CDKN2B-AS1: variants seen among roughly 807,000 people sequenced by gnomAD.
CDKN2B-AS1 encodes the protein CDKN2B antisense RNA 1 (non-protein coding).
At chr9:22,042,471 GTATT>G (rs1457886443) in intron 1 of CDKN2B-AS1, among the ~76,000 whole-genome samples, 2 of 152,052 alleles carry the variant, frequency 1.3e-5, no homozygotes, top group African/African-American at 4.8e-5. Context: ...GCATAGAAAT[GTATT>G]TATGCATTGC....
chr9:22,008,935 C>G (rs1821344237), intron 1 of CDKN2B-AS1: 1 of 1,612,920 alleles, frequency 6.2e-7, no homozygotes, highest in African/African-American at 1.3e-5. Context: ...CTGGGCATGC[C>G]CTTGTTCTCC....
At position 22,043,285 on chromosome 9, in the gene CDKN2B-AS1, G is replaced by A. The variant is rs535146819; in HGVS notation, n.30-3466G>A. On this transcript the variant is annotated intron_variant and non_coding_transcript_variant, in intron 1 of 4. Coordinates refer to ENST00000650946, the Ensembl canonical transcript of CDKN2B-AS1. ...TGGATTTTAGTCACTGGTAAAGGCT[G>A]TTTCATATTCATAGATTTTTTTCTA... 2.6e-5 allele frequency among the ~76,000 whole-genome samples: 4 copies of A among 152,076 alleles called. No individual in the cohort carries two copies. The East Asian group carries it at 7.7e-4, about 29-fold the overall frequency.
At chr9:22,029,543 C>A (rs778518382) in intron 1 of CDKN2B-AS1, 1 of 779,102 alleles carries the variant, frequency 1.3e-6, no homozygotes, top group African/African-American at 1.7e-5. Context: ...CCATGACTTT[C>A]TTTGTGGTAG....
intron 1 of CDKN2B-AS1, among the ~76,000 whole-genome samples, chr9:22,014,376 C>G (rs1351321674): frequency 6.6e-6 from 1 of 152,012 alleles, no homozygotes; most frequent in Non-Finnish European, 1.5e-5. Context: ...CCAGGCTGGT[C>G]TCTAACTACT....
At chr9:22,035,151 C>CT (rs977280946) in intron 1 of CDKN2B-AS1, among the ~76,000 whole-genome samples, 69 of 148,496 alleles carry the variant, frequency 4.6e-4, no homozygotes, top group South Asian at 6.4e-4. Flanking sequence ...AAACATTTAT[C>CT]TTTTTTTTTT....
At position 22,006,426 on chromosome 9, in the gene CDKN2B-AS1, C is replaced by G. The variant is rs1293229290; in HGVS notation, n.29+11265C>G. On this transcript the variant is annotated intron_variant and non_coding_transcript_variant, in intron 1 of 4. Coordinates refer to ENST00000650946, the Ensembl canonical transcript of CDKN2B-AS1. This position sits in a 1 kb window ranked among gnomAD's most constrained non-coding sequence, Gnocchi z 6.4. ...TTCATTTGCTGATGCAATCCACTTT[C>G]CCACCCCACCTTCAGGTTATACTCA... Among the ~76,000 whole-genome samples the G allele has an allele frequency of 6.6e-6, 1 of 152,206 alleles. No homozygotes were observed. The highest frequency in any genetic ancestry group is 2.4e-5 in the African/African-American group (1 of 41,448).
intron 4 of CDKN2B-AS1, among the ~76,000 whole-genome samples, chr9:22,113,157 A>G (rs1256780943): frequency 1.3e-5 from 2 of 152,186 alleles, no homozygotes; most frequent in African/African-American, 4.8e-5. Context: ...TTCTCTGCTT[A>G]GAATCTCACA....
At chr9:22,063,545 G>A (rs142212877) in intron 4 of CDKN2B-AS1, among the ~76,000 whole-genome samples, 2 of 152,300 alleles carry the variant, frequency 1.3e-5, no homozygotes, top group Admixed American at 6.5e-5. Context: ...CCAAATTATT[G>A]TAATAATGTG....
intron 4 of CDKN2B-AS1, chr9:22,112,091 C>G (rs1159884148): frequency 6.6e-6 from 1 of 152,160 alleles, no homozygotes; most frequent in Non-Finnish European, 1.5e-5. Context: ...AGTCACATCT[C>G]TGTTGGTTGT....
intron 4 of CDKN2B-AS1, among the ~76,000 whole-genome samples, chr9:22,075,688 G>A (rs1824465805): frequency 6.6e-6 from 1 of 152,170 alleles, no homozygotes; most frequent in Non-Finnish European, 1.5e-5. Flanking sequence ...TGCAAAAGAA[G>A]AAAGGAACAG....
rs895648853 is a variant in CDKN2B-AS1, at chr9:22,005,891, C to T, written n.29+10730C>T. On this transcript the variant is annotated intron_variant and non_coding_transcript_variant, in intron 1 of 4. Coordinates refer to ENST00000650946, the Ensembl canonical transcript of CDKN2B-AS1. The surrounding 1 kb of genome is among the most constrained non-coding windows in gnomAD (Gnocchi z 4.9). ...GGCTTGCAGGCTTACAGGCTTTCCG[C>T]CGCTCCCCGTTGGCAGCCTTCATCG... 2.0e-6 allele frequency: 3 copies of T among 1,506,810 alleles called. No homozygotes were observed. Among genetic ancestry groups the T allele is most frequent in the Admixed American group, 3.8e-5 (2 of 52,430 alleles). 93.3% of individuals were successfully genotyped at this position (1,506,810 alleles called of 1,614,324 possible).
Position 22,039,367 on chromosome 9 carries a change from G to A in CDKN2B-AS1, n.30-7384G>A, listed in dbSNP as rs529493258. Reference sequence around the variant, plus strand: ...TGAAACCAGTATAATTTTTCTTTTCGCTCTTGTCCTTCACCTTCCTGTGGC... The same window carrying A: ...TGAAACCAGTATAATTTTTCTTTTCACTCTTGTCCTTCACCTTCCTGTGGC... On this transcript the variant is annotated intron_variant and non_coding_transcript_variant, in intron 1 of 4. Coordinates refer to ENST00000650946, the Ensembl canonical transcript of CDKN2B-AS1. This position sits in a 1 kb window ranked among gnomAD's most constrained non-coding sequence, Gnocchi z 4.4. Among the ~76,000 whole-genome samples, 13 of 151,762 alleles carry A rather than the reference G, an allele frequency of 8.6e-5. No homozygotes were observed. Among genetic ancestry groups the A allele is most frequent in the South Asian group, 2.1e-4 (1 of 4,806 alleles).
chr9:22,003,803 C>G, intron 1 of CDKN2B-AS1: 1 of 231,822 alleles, frequency 4.3e-6, no homozygotes. Flanking sequence ...TTCAAACAAA[C>G]CGTTTATATT....
chr9:22,038,242 G>A (rs192071323), intron 1 of CDKN2B-AS1, among the ~76,000 whole-genome samples: 24 of 151,904 alleles, frequency 1.6e-4, no homozygotes, highest in Middle Eastern at 3.4e-3. Context: ...TAGGAGACAG[G>A]AAATGTGAAA....
intron 4 of CDKN2B-AS1, among the ~76,000 whole-genome samples, chr9:22,107,260 G>A (rs765071343): frequency 6.6e-6 from 1 of 152,202 alleles, no homozygotes; most frequent in Admixed American, 6.5e-5. Context: ...CTGATTGGGC[G>A]TGGAGAGAAA....
chr9:22,094,276 A>G (rs551586834), intron 4 of CDKN2B-AS1, among the ~76,000 whole-genome samples: 15 of 143,306 alleles, frequency 1.0e-4, no homozygotes, highest in African/African-American at 3.9e-4. Flanking sequence ...CAACTTTGGC[A>G]AATCCGACAA....
chr9:22,025,665 C>G (rs539377309), intron 1 of CDKN2B-AS1, among the ~76,000 whole-genome samples: 2 of 152,148 alleles, frequency 1.3e-5, no homozygotes, highest in Non-Finnish European at 2.9e-5. Flanking sequence ...GTGAAAGCTG[C>G]GAAACAGCAA....
intron 4 of CDKN2B-AS1, among the ~76,000 whole-genome samples, chr9:22,057,582 G>A (rs543208351): frequency 1.7e-4 from 26 of 152,210 alleles, no homozygotes; most frequent in Middle Eastern, 3.4e-3. Flanking sequence ...GCCAAGGTGG[G>A]CTGATTGCTT....
chr9:22,086,802 G>A (rs772775509), intron 4 of CDKN2B-AS1, among the ~76,000 whole-genome samples: 9 of 152,030 alleles, frequency 5.9e-5, no homozygotes, highest in South Asian at 2.1e-4. Flanking sequence ...CTTAATAAAC[G>A]ATTAGTTTCC....
Sources: allele counts gnomAD v4.1 joint callset (sites outside exome capture counted in the v4.1 genomes callset), GRCh38; gene constraint gnomAD v4.1.1; non-coding constraint Gnocchi (gnomAD v3.1); transcripts MANE v1.5; gene names NCBI Gene and HGNC (gene_info 2026-07-23, HGNC 2026-07-21).